Variants in NLRP14 observed in about 807,000 individuals in gnomAD.
NLRP14 encodes the protein NLR family pyrin domain containing 14, also known as NACHT, LRR and PYD domains-containing protein 14.
In NLRP14, 105 loss-of-function variants were observed where a neutral mutation model predicts 94.7. The observed-to-expected ratio is 1.11, with a 90% confidence interval of 0.95 to 1.30. NLRP14 has a LOEUF of 1.30. Among genes scored for constraint, NLRP14 ranks in the 50% most tolerant of loss-of-function variants. The pLI, the probability that NLRP14 is intolerant of heterozygous loss-of-function variation, is 0.00. For missense variants in NLRP14, 1,362 were observed against 1,254.1 expected (o/e 1.09, Z -1.30); for synonymous variants, 508 against 459.9 (o/e 1.10, Z -1.34).
downstream of NLRP14, among the ~76,000 whole-genome samples, chr11:7,075,089 C>G (rs1309219076): frequency 1.3e-5 from 2 of 152,076 alleles, no homozygotes; most frequent in East Asian, 3.9e-4. Flanking sequence ...GGGTAGTTAA[C>G]TAAGGGGAGG....
At chr11:7,062,221 T>C in intron 9 of NLRP14, 112 bp from the exon 10 acceptor site, 1 of 884,148 alleles carries the variant, frequency 1.1e-6, no homozygotes, top group Non-Finnish European at 1.9e-6. Context: ...TCCTGGATTG[T>C]AGATAGAAAA....
chr11:7,043,975 C>T lies in NLRP14; in HGVS notation c.1949C>T (p.Thr650Ile). 6.2e-7 allele frequency: 1 copy of T among 1,614,130 alleles called. No individual in the cohort carries two copies. Among genetic ancestry groups the T allele is most frequent in the Non-Finnish European group, 8.5e-7 (1 of 1,179,956 alleles). ...EKKILKTSLP[T>I]NTWDGDRITH... ...AAGATATTAAAAACAAGCCTCCCAACTAACACTTGGTAAGTGTGTTAGGGC... is the reference window on the plus strand; with the variant it reads ...AAGATATTAAAAACAAGCCTCCCAATTAACACTTGGTAAGTGTGTTAGGGC... Residue 650 changes from threonine (T) to isoleucine (I), a missense_variant, in exon 4 of 12, where the codon ACT (threonine) becomes ATT (isoleucine). Thr to Ile is a moderately conservative substitution (Grantham distance 89). Coordinates refer to ENST00000299481, the MANE Select transcript of NLRP14 (RefSeq NM_176822.4).
intron 2 of NLRP14, among the ~76,000 whole-genome samples, chr11:7,039,121 A>G (rs576158844): frequency 6.6e-6 from 1 of 152,212 alleles, no homozygotes; most frequent in Admixed American, 6.5e-5. Context: ...ACCAGTTGAA[A>G]TGATCAAAGG....
chr11:7,058,214 G>A lies in NLRP14; in HGVS notation c.2463-66G>A, dbSNP rs914149593. ...GGTTATAAGTGCCACTGATTTCCCT[G>A]TGAAGGAGAAGAGAAGCATGGGCTT... On this transcript the variant is annotated intron_variant, in intron 7 of 11. Transcript: ENST00000299481. 171 of 1,379,408 alleles carry A rather than the reference G, an allele frequency of 1.2e-4. 2 individuals are homozygous for A. Among genetic ancestry groups the A allele is most frequent in the South Asian group, 1.2e-3 (106 of 86,272 alleles). The allele number at this position is 1,379,408 out of a possible 1,614,324, so 85.4% of individuals were successfully genotyped here.
At chr11:7,027,610 CTG>C (rs770617136) in intron 1 of NLRP14, among the ~76,000 whole-genome samples, 1 of 152,172 alleles carries the variant, frequency 6.6e-6, no homozygotes, top group Non-Finnish European at 1.5e-5. Flanking sequence ...CTCTCAGCTA[CTG>C]TATCGTTTCT....
In NLRP14 at chr11:7,043,660, A is replaced by G. The variant is rs1307108789; in HGVS notation, c.1634A>G (p.Glu545Gly). ...AATGAAGATCGAGTAAAACAACTGG[A>G]GAGGACTTTTAACTGTAAAATGTCA... ...LLNEDRVKQL[E>G]RTFNCKMSLK... The change falls in exon 4 of 12, where the codon GAG becomes GGG. Residue 545 changes from glutamate to glycine, a missense_variant. Glu to Gly is a moderately conservative substitution (Grantham distance 98, BLOSUM62 -2). Transcript: ENST00000299481. The G allele has an allele frequency of 4.3e-6, 7 of 1,613,930 alleles. No homozygotes were observed. Among genetic ancestry groups the G allele is most frequent in the African/African-American group, 1.3e-5 (1 of 74,922 alleles).
the NLRP14 span, chr11:7,089,105 C>T: frequency 3.7e-6 from 6 of 1,610,832 alleles, no homozygotes; most frequent in Admixed American, 1.7e-5. Flanking sequence ...ACTGACCGAC[C>T]GTTCGACCGG....
chr11:7,090,101 C>T, the NLRP14 span: 2 of 1,611,912 alleles, frequency 1.2e-6, no homozygotes, highest in Non-Finnish European at 1.7e-6. Flanking sequence ...ACAGTTACAG[C>T]AGCAGTTATG....
chr11:7,072,919 G>A (rs1852823328), downstream of NLRP14, among the ~76,000 whole-genome samples: 1 of 152,056 alleles, frequency 6.6e-6, no homozygotes, highest in East Asian at 1.9e-4. Flanking sequence ...AGACTTCTCT[G>A]GGGGCCCTCC....
At chr11:7,080,630 A>G in the NLRP14 span, among the ~76,000 whole-genome samples, 8 of 152,136 alleles carry the variant, frequency 5.3e-5, no homozygotes, top group Non-Finnish European at 7.4e-5. Flanking sequence ...GGTTCAAGCC[A>G]CTCCACAAGT....
chr11:7,089,327 G>T, the NLRP14 span: 2 of 1,607,902 alleles, frequency 1.2e-6, no homozygotes, highest in Non-Finnish European at 1.7e-6. Flanking sequence ...CCAGAGACAT[G>T]AACGGCAAGT....
chr11:7,039,674 T>G, intron 2 of NLRP14, 40 bp from the exon 3 acceptor site: 1 of 1,508,766 alleles, frequency 6.6e-7, no homozygotes, highest in Non-Finnish European at 9.2e-7. Flanking sequence ...GCTCACTTTG[T>G]TTTCATTAAA....
chr11:7,024,150 A>G (rs971340963), intron 1 of NLRP14, among the ~76,000 whole-genome samples: 6 of 152,186 alleles, frequency 3.9e-5, no homozygotes, highest in African/African-American at 1.2e-4. Context: ...GCCTGATGAA[A>G]AATACTAATC....
In NLRP14 at chr11:7,037,870, G is replaced by C. The variant is rs923648209; in HGVS notation, c.-21-696G>C. On this transcript the variant is annotated intron_variant, in intron 1 of 11. Coordinates refer to ENST00000299481, the MANE Select transcript of NLRP14 (RefSeq NM_176822.4). ...TAAGGTCATGGGAGTTGATGTCAAA[G>C]ACGTGAGATGAGGATGTTTTTGATG... Among the ~76,000 whole-genome samples, 3 of 152,326 alleles carry C rather than the reference G, an allele frequency of 2.0e-5. No homozygotes were observed. The South Asian group carries it at 6.2e-4, about 32-fold the overall frequency.
At chr11:7,082,834 G>T in the NLRP14 span, among the ~76,000 whole-genome samples, 1 of 152,124 alleles carries the variant, frequency 6.6e-6, no homozygotes, top group Non-Finnish European at 1.5e-5. Context: ...ATAGAAATGG[G>T]CTATTTTTAC....
At chr11:7,035,844 A>G (rs971882884) in intron 1 of NLRP14, among the ~76,000 whole-genome samples, 2 of 152,218 alleles carry the variant, frequency 1.3e-5, no homozygotes, top group Non-Finnish European at 2.9e-5. Context: ...GAGCATGGCC[A>G]CACAGATTTT....
intron 2 of NLRP14, 30 bp from the exon 3 acceptor site, chr11:7,039,684 A>G (rs1283106064): frequency 1.1e-5 from 17 of 1,568,516 alleles, no homozygotes; most frequent in Non-Finnish European, 1.5e-5. Context: ...TTTTCATTAA[A>G]TATCATGATC....
In NLRP14 at chr11:7,071,478, A is replaced by G. The variant is rs1324542573; in HGVS notation, c.*170A>G. Among the ~76,000 whole-genome samples, 1 of 150,236 alleles carries G rather than the reference A, an allele frequency of 6.7e-6. No individual in the cohort carries two copies. The highest frequency in any genetic ancestry group is 1.5e-5 in the Non-Finnish European group (1 of 67,760). ...CTCTGTAAAATGTCTGTTCTACTTC[A>G]CACAGTGGTCGAGAGGCTAAAATAA... On this transcript the variant is annotated 3_prime_UTR_variant, in exon 12 of 12. Coordinates refer to ENST00000299481, the MANE Select transcript of NLRP14 (RefSeq NM_176822.4).
At chr11:7,060,473 A>T (rs1295333108) in intron 9 of NLRP14, among the ~76,000 whole-genome samples, 2 of 151,896 alleles carry the variant, frequency 1.3e-5, no homozygotes, top group Non-Finnish European at 2.9e-5. Context: ...GGAGATTTTT[A>T]CAGTATCCTA....
Sources: gnomAD v4.1 joint callset for allele counts (sites outside exome capture counted in the v4.1 genomes callset) on GRCh38, gnomAD v4.1.1 for gene constraint, MANE v1.5 for transcripts, NCBI Gene and HGNC (gene_info 2026-07-23, HGNC 2026-07-21) for gene names.